Variants in SMARCC2 observed in about 807,000 individuals in gnomAD.
The protein encoded by SMARCC2 is SWI/SNF complex subunit SMARCC2.
A neutral mutation model predicts 151.3 loss-of-function variants in SMARCC2; 15 were observed. That is an observed-to-expected ratio of 0.10 (90% CI 0.07 to 0.15). SMARCC2 has a LOEUF of 0.15. Ranked by LOEUF, SMARCC2 falls within the 10% of genes least tolerant of loss-of-function variation. The pLI, the probability that SMARCC2 is intolerant of heterozygous loss-of-function variation, is 1.00. For missense variants in SMARCC2, 1,031 were observed against 1,599.7 expected, an observed-to-expected ratio of 0.64 and a Z score of 6.06; for synonymous variants, 590 against 609.5, an observed-to-expected ratio of 0.97 and a Z score of 0.47.
intron 25 of SMARCC2, among the ~76,000 whole-genome samples, chr12:56,169,174 A>T (rs1367925713): frequency 1.3e-5 from 2 of 152,002 alleles, no homozygotes; most frequent in Non-Finnish European, 2.9e-5. Context: ...GCACGCCTGT[A>T]GTCCCAGCTA....
intron 10 of SMARCC2, 40 bp downstream of exon 10, chr12:56,181,442 G>C: frequency 8.3e-7 from 1 of 1,202,788 alleles, no homozygotes; most frequent in Non-Finnish European, 1.2e-6. Flanking sequence ...ATGATGTGGA[G>C]AGAATGGTGA....
At chr12:56,183,796 T>G (rs1031798997) in intron 7 of SMARCC2, 65 bp downstream of exon 7, 7 of 1,094,154 alleles carry the variant, frequency 6.4e-6, no homozygotes, top group Non-Finnish European at 8.3e-6. Context: ...CTTGCTCTGC[T>G]AGATGTCCTA....
At chr12:56,184,046 G>A (rs1028343040) in intron 6 of SMARCC2, 116 bp from the exon 7 acceptor site, 8 of 1,026,466 alleles carry the variant, frequency 7.8e-6, no homozygotes, top group Non-Finnish European at 1.0e-5. Context: ...TTGGTAATAG[G>A]AACTTAAGGT....
chr12:56,167,265 C>T (rs966099424), intron 26 of SMARCC2, among the ~76,000 whole-genome samples: 95 of 151,948 alleles, frequency 6.3e-4, no homozygotes, highest in African/African-American at 2.2e-3. Context: ...GCAGGAGAAT[C>T]GCTTCCCAGG....
At position 56,178,299 on chromosome 12, in the gene SMARCC2, G is replaced by T. The variant is rs930928740; in HGVS notation, c.1310+105C>A. On this transcript the variant is annotated intron_variant, in intron 14 of 28. Transcript: ENST00000550164. ...CTAAAGTGTACTCTGGTCTATTTGG[G>T]TGAGGAAAAAATAACTTATTTGGAG... 4 of 1,353,812 alleles carry T rather than the reference G, an allele frequency of 3.0e-6. No individual in the cohort carries two copies. The African/African-American group carries it at 5.7e-5, about 19-fold the overall frequency. 83.9% of individuals were successfully genotyped at this position (1,353,812 alleles called of 1,614,324 possible).
Position 56,162,765 on chromosome 12 carries a change from A to G in SMARCC2, c.*924T>C, listed in dbSNP as rs1872052871. 1 of 168,092 alleles carries G rather than the reference A, an allele frequency of 5.9e-6. No homozygotes were observed. The highest frequency in any genetic ancestry group is 1.3e-5 in the Non-Finnish European group (1 of 77,412). The allele number at this position is 168,092 out of a possible 1,614,324, so 10.4% of individuals were successfully genotyped here. On this transcript the variant is annotated 3_prime_UTR_variant, in exon 29 of 29. Transcript: ENST00000550164. Reference sequence around the variant, plus strand: ...AAGCTAAGGGGTGACCCACCAAGTCATAATATGGAGGTGCTTAAGTGCTTT... The same window carrying G: ...AAGCTAAGGGGTGACCCACCAAGTCGTAATATGGAGGTGCTTAAGTGCTTT...
At chr12:56,168,807 C>G (rs571795125) in intron 25 of SMARCC2, among the ~76,000 whole-genome samples, 1 of 152,116 alleles carries the variant, frequency 6.6e-6, no homozygotes, top group Admixed American at 6.5e-5. Flanking sequence ...GGGTGAAACC[C>G]CATCTCTGCT....
At chr12:56,189,328 G>GCGGCCCGGCC in intron 1 of SMARCC2, 23 bp downstream of exon 1, 3 of 1,436,522 alleles carry the variant, frequency 2.1e-6, no homozygotes, top group Non-Finnish European at 1.9e-6. Context: ...CGGTCCCCGC[G>GCGGCCCGGCC]CGGCCCGGCC....
At chr12:56,169,386 A>T in intron 25 of SMARCC2, 143 bp downstream of exon 25, 1 of 1,060,298 alleles carries the variant, frequency 9.4e-7, no homozygotes. Flanking sequence ...GGGATGACTA[A>T]CTTTACCTCC....
chr12:56,173,940 C>G (rs1474290263), intron 16 of SMARCC2, 91 bp from the exon 17 acceptor site: 2 of 1,163,042 alleles, frequency 1.7e-6, no homozygotes, highest in Non-Finnish European at 2.5e-6. Context: ...GGGCATAAAC[C>G]CCCTCCCCAC....
chr12:56,163,599 G>A lies in SMARCC2; in HGVS notation c.*90C>T, dbSNP rs115469937. ...CCTTACGTAGTGATGAACTCTCCAG[G>A]CTGGGGAGGGTCCCAGTGGTGGGGG... On this transcript the variant is annotated 3_prime_UTR_variant, in exon 29 of 29. Coordinates refer to ENST00000550164, the MANE Select transcript of SMARCC2 (RefSeq NM_001330288.2). 142 of 678,218 alleles carry A rather than the reference G, an allele frequency of 2.1e-4. No individual in the cohort carries two copies. The African/African-American group carries it at 2.6e-3, about 12-fold the overall frequency. 42.0% of individuals were successfully genotyped at this position (678,218 alleles called of 1,614,324 possible). A position where few individuals can be genotyped will look rare whatever the true frequency, so the allele number is the denominator to read the frequency against.
intron 7 of SMARCC2, among the ~76,000 whole-genome samples, chr12:56,182,385 C>T (rs1241638338): frequency 6.7e-6 from 1 of 150,202 alleles, no homozygotes; most frequent in Non-Finnish European, 1.5e-5. Context: ...AGTGCAGTGG[C>T]GCGATCTCGG....
chr12:56,172,072 G>A (rs916659696), intron 20 of SMARCC2, 135 bp from the exon 21 acceptor site: 40 of 740,702 alleles, frequency 5.4e-5, no homozygotes, highest in South Asian at 4.1e-4. Context: ...CTAGGTCCAA[G>A]GGGGATCTTG....
chr12:56,168,599 T>G (rs942317990), intron 25 of SMARCC2, among the ~76,000 whole-genome samples: 4 of 152,026 alleles, frequency 2.6e-5, no homozygotes, highest in Non-Finnish European at 5.9e-5. Context: ...GTCTCAAACT[T>G]ACAACCTCAG....
chr12:56,169,411 TA>T (rs1873471721), intron 25 of SMARCC2, 117 bp downstream of exon 25: 19 of 1,287,282 alleles, frequency 1.5e-5, no homozygotes, highest in Non-Finnish European at 2.0e-5. Context: ...GAGATAAAAA[TA>T]AAAAATAAAT....
rs1873657152 is a variant in SMARCC2 at position 56,170,210 on chromosome 12, T to C, written c.2348-2A>G. On this transcript the variant is annotated splice_acceptor_variant, in intron 22 of 28. Coordinates refer to ENST00000550164, the MANE Select transcript of SMARCC2 (RefSeq NM_001330288.2). LOFTEE classifies it high-confidence loss of function. ...GAGCCTCGTCATTCCCGCTCTCCTCTGGGCCCATGAGAAAAGAAAGAAAAC... is the reference window on the plus strand; with the variant it reads ...GAGCCTCGTCATTCCCGCTCTCCTCCGGGCCCATGAGAAAAGAAAGAAAAC... 1 of 1,613,108 alleles carries C rather than the reference T, an allele frequency of 6.2e-7. No individual in the cohort carries two copies. Among genetic ancestry groups the C allele is most frequent in the Admixed American group, 1.7e-5 (1 of 60,018 alleles).
intron 10 of SMARCC2, 67 bp downstream of exon 10, chr12:56,181,415 T>C (rs1876175849): frequency 1.9e-6 from 2 of 1,026,120 alleles, no homozygotes; most frequent in Admixed American, 2.5e-5. Flanking sequence ...AAGGGATTTG[T>C]CTTTCCTTCC....
At chr12:56,185,239 C>A in intron 3 of SMARCC2, 128 bp from the exon 4 acceptor site, 1 of 715,026 alleles carries the variant, frequency 1.4e-6, no homozygotes. Context: ...AGTGCAGTGG[C>A]GCGATCCCGG....
In SMARCC2 at chr12:56,171,428, C is replaced by T; in HGVS notation, c.2190G>A (p.Glu730=). Residue 730 remains glutamate, a synonymous_variant, in exon 22 of 29, where the codon GAG becomes GAA. Coordinates refer to ENST00000550164, the MANE Select transcript of SMARCC2 (RefSeq NM_001330288.2). The surrounding 1 kb of genome is among the most constrained non-coding windows in gnomAD (Gnocchi z 4.2). ...GTACCTCTTCCTTCATTTTGGAGAA[C>T]TCCTCTGCAAGACCCAGAAAGAATG... ...ASAAAKSALE[E]FSKMKEEVPT... 1 of 1,614,228 alleles carries T rather than the reference C, an allele frequency of 6.2e-7. No individual in the cohort carries two copies. Among genetic ancestry groups the T allele is most frequent in the Non-Finnish European group, 8.5e-7 (1 of 1,180,042 alleles).
Sources: gnomAD v4.1 joint callset for allele counts (sites outside exome capture counted in the v4.1 genomes callset) on GRCh38, gnomAD v4.1.1 for gene constraint, Gnocchi (gnomAD v3.1) non-coding constraint, MANE v1.5 for transcripts, NCBI Gene and HGNC (gene_info 2026-07-23, HGNC 2026-07-21) for gene names.